The following KCND2 variants were observed in gnomAD, a reference collection of about 807,000 sequenced individuals.
KCND2 encodes potassium voltage-gated channel subfamily D member 2, also known as A-type voltage-gated potassium channel KCND2.
A neutral mutation model predicts 54.4 loss-of-function variants in KCND2; 16 were observed. The ratio of observed to expected loss-of-function variants is 0.29; its 90% CI spans 0.20 to 0.45. KCND2 has a LOEUF of 0.45. KCND2 is among the 20% of genes least tolerant of loss of function. The pLI, the probability that KCND2 is intolerant of heterozygous loss-of-function variation, is 1.00. For missense variants in KCND2, 486 were observed against 824.2 expected (o/e 0.59, Z 5.02); for synonymous variants, 317 against 310.7 (o/e 1.02, Z -0.21).
At chr7:120,371,895 A>G (rs1252618831) in intron 1 of KCND2, among the ~76,000 whole-genome samples, 1 of 151,916 alleles carries the variant, frequency 6.6e-6, no homozygotes, top group African/African-American at 2.4e-5. Flanking sequence ...CAATGGCAAA[A>G]TTACATAACA....
intron 1 of KCND2, among the ~76,000 whole-genome samples, chr7:120,424,161 A>C (rs1207446207): frequency 2.0e-5 from 3 of 152,166 alleles, no homozygotes; most frequent in Admixed American, 6.5e-5. Context: ...TTTTAATATA[A>C]ACTTGAATAT....
chr7:120,632,985 T>C (rs1314340171), intron 1 of KCND2, among the ~76,000 whole-genome samples: 1 of 152,186 alleles, frequency 6.6e-6, no homozygotes, highest in African/African-American at 2.4e-5. Flanking sequence ...AGGAGAGGCT[T>C]TAAAACCTGC....
intron 2 of KCND2, chr7:120,740,892 C>T (rs1452399075): frequency 4.4e-6 from 2 of 449,978 alleles, no homozygotes; most frequent in Admixed American, 4.8e-5. Context: ...GATAAATTCA[C>T]AGTTGTTTTT....
At chr7:120,422,633 TCA>T (rs1300998643) in intron 1 of KCND2, among the ~76,000 whole-genome samples, 1 of 152,188 alleles carries the variant, frequency 6.6e-6, no homozygotes, top group African/African-American at 2.4e-5. Flanking sequence ...ACCTCTTCTT[TCA>T]CAGATGCTGT....
chr7:120,397,995 G>A (rs10233789), intron 1 of KCND2, among the ~76,000 whole-genome samples: 3,572 of 91,364 alleles, frequency 0.039, 66 homozygotes, highest in African/African-American at 0.049. Context: ...GTGTGTGTGT[G>A]TATATATATA....
intron 1 of KCND2, among the ~76,000 whole-genome samples, chr7:120,716,535 G>A (rs1792605286): frequency 6.6e-6 from 1 of 152,186 alleles, no homozygotes; most frequent in African/African-American, 2.4e-5. Flanking sequence ...AGGCATAATG[G>A]CTGGCTCCTT....
chr7:120,359,217 G>A (rs369079758), intron 1 of KCND2, among the ~76,000 whole-genome samples: 3 of 152,144 alleles, frequency 2.0e-5, no homozygotes, highest in African/African-American at 7.2e-5. Flanking sequence ...AAGATTTTGT[G>A]CTCTGTGCAC....
At chr7:120,560,969 T>C (rs1792225425) in intron 1 of KCND2, among the ~76,000 whole-genome samples, 1 of 152,224 alleles carries the variant, frequency 6.6e-6, no homozygotes, top group Admixed American at 6.5e-5. Context: ...TGTTGATTAG[T>C]CTGTAAGTTA....
At chr7:120,307,943 TGA>T (rs1004014390) in intron 1 of KCND2, among the ~76,000 whole-genome samples, 2 of 152,140 alleles carry the variant, frequency 1.3e-5, no homozygotes, top group African/African-American at 4.8e-5. Flanking sequence ...TTAAACCCAC[TGA>T]GATGTGACAG....
At chr7:120,745,732 TA>T (rs1792997505) in intron 4 of KCND2, 47 bp from the exon 5 acceptor site, 1 of 1,609,846 alleles carries the variant, frequency 6.2e-7, no homozygotes, top group Non-Finnish European at 8.5e-7. Flanking sequence ...ATTTCGTTTT[TA>T]AAAATGTGCT....
intron 1 of KCND2, among the ~76,000 whole-genome samples, chr7:120,553,468 G>A (rs1458390004): frequency 6.6e-6 from 1 of 152,104 alleles, no homozygotes; most frequent in African/African-American, 2.4e-5. Context: ...TGGTTATTGT[G>A]AATAATGTAC....
chr7:120,467,542 T>G (rs966682153), intron 1 of KCND2, among the ~76,000 whole-genome samples: 1 of 152,126 alleles, frequency 6.6e-6, no homozygotes, highest in Non-Finnish European at 1.5e-5. Context: ...AGTCTACATT[T>G]ACAAGGGAAC....
intron 1 of KCND2, among the ~76,000 whole-genome samples, chr7:120,678,621 A>G (rs2116585113): frequency 6.8e-6 from 1 of 147,764 alleles, no homozygotes; most frequent in South Asian, 2.1e-4. Context: ...ACATATATAC[A>G]CATTAAAGTT....
At chr7:120,323,346 G>A (rs956273780) in intron 1 of KCND2, among the ~76,000 whole-genome samples, 25 of 151,912 alleles carry the variant, frequency 1.6e-4, no homozygotes, top group Admixed American at 1.6e-3. Context: ...TGAGCACAAC[G>A]TGCAGGTTAG....
intron 1 of KCND2, among the ~76,000 whole-genome samples, chr7:120,345,778 G>A (rs1369068159): frequency 1.3e-5 from 2 of 152,106 alleles, no homozygotes; most frequent in Non-Finnish European, 2.9e-5. Flanking sequence ...TCACATTTTG[G>A]TGATGGTGAA....
intron 1 of KCND2, among the ~76,000 whole-genome samples, chr7:120,286,642 A>G (rs1238470440): frequency 6.6e-6 from 1 of 152,136 alleles, no homozygotes; most frequent in East Asian, 1.9e-4. Context: ...ATGACACACC[A>G]TAAATCAAAA....
intron 4 of KCND2, among the ~76,000 whole-genome samples, chr7:120,743,226 G>T (rs2116181348): frequency 6.6e-6 from 1 of 152,146 alleles, no homozygotes; most frequent in Non-Finnish European, 1.5e-5. Context: ...TTGTAAATAG[G>T]AGTCATAATC....
chr7:120,620,107 A>C (rs1427379873), intron 1 of KCND2, among the ~76,000 whole-genome samples: 1 of 152,210 alleles, frequency 6.6e-6, no homozygotes, highest in Non-Finnish European at 1.5e-5. Flanking sequence ...ATAATTTTGT[A>C]AGTACAAAAA....
At chr7:120,379,561 C>G (rs1329163074) in intron 1 of KCND2, among the ~76,000 whole-genome samples, 1 of 152,026 alleles carries the variant, frequency 6.6e-6, no homozygotes, top group Non-Finnish European at 1.5e-5. Flanking sequence ...ATTCTTAAAA[C>G]GTGTCATCCT....
Sources: gnomAD v4.1 joint callset for allele counts (sites outside exome capture counted in the v4.1 genomes callset) on GRCh38, gnomAD v4.1.1 for gene constraint, MANE v1.5 for transcripts, NCBI Gene and HGNC (gene_info 2026-07-23, HGNC 2026-07-21) for gene names.